Variants in SRGAP2C observed in about 807,000 individuals in gnomAD.
SRGAP2C encodes the protein SLIT-ROBO Rho GTPase-activating protein 2C.
SRGAP2C carries 15 observed loss-of-function variants against 25.1 expected under a neutral mutation model. The ratio of observed to expected loss-of-function variants is 0.60; its 90% confidence interval spans 0.40 to 0.92. The LOEUF is 0.92. Among genes scored for constraint, SRGAP2C ranks in the 40% least tolerant of loss-of-function variants. SRGAP2C has a pLI of 0.00. For missense variants in SRGAP2C, 144 were observed against 264.4 expected (o/e 0.54, Z 3.16); for synonymous variants, 44 against 96.6 (o/e 0.46, Z 3.19).
At position 121,185,269 on chromosome 1, in the gene SRGAP2C, A is replaced by G. The variant is rs1570688488; in HGVS notation, c.-543+145A>G. 4 of 627,106 alleles carry G rather than the reference A, an allele frequency of 6.4e-6. No homozygotes were observed. In the East Asian group the frequency reaches 1.5e-4, roughly 24 times the overall value. The allele number at this position is 627,106 out of a possible 1,614,324, so 38.8% of individuals were successfully genotyped here. A position where few individuals can be genotyped will look rare whatever the true frequency, so the allele number is the denominator to read the frequency against. On this transcript the variant is annotated intron_variant, in intron 1 of 9. Coordinates refer to ENST00000367123, the MANE Select transcript of SRGAP2C (RefSeq NM_001329984.2). ...AGCGGTGCCGCCCGGAATCCCTCAG[A>G]CCGCCCCTCCTCCACCCTCTCCAAA...
At position 121,255,433 on chromosome 1, in the gene SRGAP2C, A is replaced by AT. The variant is rs782625606; in HGVS notation, c.68-29360dup. On this transcript the variant is annotated intron_variant, in intron 2 of 9. Transcript: ENST00000367123. ...ACTTCCCTTGTTCCCAATTTCTTGG[A>AT]TTTTTTTTTTCTATCCCTTCATTCC... 1.2e-3 allele frequency among the ~76,000 whole-genome samples: 179 copies of AT among 148,592 alleles called. 2 individuals are homozygous for AT. The highest frequency in any genetic ancestry group is 3.4e-3 in the Middle Eastern group (1 of 290).
At chr1:121,224,810 C>T (rs1249942561) in intron 2 of SRGAP2C, among the ~76,000 whole-genome samples, 1 of 152,076 alleles carries the variant, frequency 6.6e-6, no homozygotes, top group Non-Finnish European at 1.5e-5. Context: ...ATGTACAAGA[C>T]CCGGGCTTCA....
intron 2 of SRGAP2C, among the ~76,000 whole-genome samples, chr1:121,201,898 G>A (rs1365902478): frequency 6.6e-6 from 1 of 152,112 alleles, no homozygotes; most frequent in Non-Finnish European, 1.5e-5. Flanking sequence ...TCAGGGCATG[G>A]GAACCCCCTC....
chr1:121,296,187 T>C (rs1657595207), intron 3 of SRGAP2C, among the ~76,000 whole-genome samples: 2 of 151,642 alleles, frequency 1.3e-5, no homozygotes, highest in Non-Finnish European at 2.9e-5. Context: ...AAATTTCTAG[T>C]AGTTGACAAA....
intron 2 of SRGAP2C, among the ~76,000 whole-genome samples, chr1:121,232,452 G>C (rs1466881035): frequency 1.2e-5 from 1 of 86,262 alleles, no homozygotes; most frequent in African/African-American, 4.8e-5. Context: ...ATAAAAAAAA[G>C]ACTTACATTT....
At chr1:121,204,417 G>T in intron 2 of SRGAP2C, among the ~76,000 whole-genome samples, 1 of 149,440 alleles carries the variant, frequency 6.7e-6, no homozygotes, top group African/African-American at 2.5e-5. Flanking sequence ...GTGCCACCAC[G>T]CTGGGCCAAT....
intron 3 of SRGAP2C, among the ~76,000 whole-genome samples, chr1:121,295,902 C>G (rs1243539160): frequency 7.2e-5 from 11 of 152,122 alleles, no homozygotes; most frequent in African/African-American, 2.2e-4. Flanking sequence ...GCTGGGATTA[C>G]AGGCATGCGC....
In SRGAP2C at chr1:121,391,424, TAAAGAACCCAGCACAAAGCCA is replaced by T. The variant is rs1660078663; in HGVS notation, c.*3570_*3590del. Reference sequence around the variant, plus strand: ...GTGAACACACACTTTGTGCCGGCTTTAAAGAACCCAGCACAAAGCCAGTCTGCATGGCCTACAGACATATTT... The same window carrying T: ...GTGAACACACACTTTGTGCCGGCTTTGTCTGCATGGCCTACAGACATATTT... On this transcript the variant is annotated 3_prime_UTR_variant, in exon 10 of 10. Transcript: ENST00000367123. The T allele has an allele frequency of 6.6e-6, 1 of 152,116 alleles. No individual in the cohort carries two copies. Among genetic ancestry groups the T allele is most frequent in the Non-Finnish European group, 1.5e-5 (1 of 68,012 alleles). The allele number at this position is 152,116 out of a possible 1,614,324, so 9.4% of individuals were successfully genotyped here. A position where few individuals can be genotyped will look rare whatever the true frequency, so the allele number is the denominator to read the frequency against.
chr1:121,350,332 C>T (rs1553345374), intron 4 of SRGAP2C, among the ~76,000 whole-genome samples: 1 of 136,664 alleles, frequency 7.3e-6, no homozygotes. Context: ...TAAATCCTCT[C>T]TAGAGGAAGA....
chr1:121,378,390 C>T (rs1361605651), intron 7 of SRGAP2C, among the ~76,000 whole-genome samples: 3 of 136,574 alleles, frequency 2.2e-5, no homozygotes, highest in Non-Finnish European at 4.7e-5. Flanking sequence ...CCAGCCAATC[C>T]CCCACCCCAA....
At chr1:121,272,817 C>T (rs1273655177) in intron 2 of SRGAP2C, among the ~76,000 whole-genome samples, 2 of 151,796 alleles carry the variant, frequency 1.3e-5, no homozygotes, top group African/African-American at 4.8e-5. Flanking sequence ...CTCTGAACCT[C>T]AGTGGTCCCT....
At chr1:121,384,821 A>G (rs1159352915) in intron 8 of SRGAP2C, among the ~76,000 whole-genome samples, 1 of 152,158 alleles carries the variant, frequency 6.6e-6, no homozygotes, top group Non-Finnish European at 1.5e-5. Context: ...CCACTGTCAA[A>G]GCATACATCA....
At chr1:121,336,253 T>G (rs1291786925) in intron 4 of SRGAP2C, among the ~76,000 whole-genome samples, 3 of 150,974 alleles carry the variant, frequency 2.0e-5, no homozygotes, top group African/African-American at 7.3e-5. Context: ...TTGATGGCAT[T>G]TGGATAGTTT....
At chr1:121,273,528 C>T (rs1338564232) in intron 2 of SRGAP2C, among the ~76,000 whole-genome samples, 1 of 141,292 alleles carries the variant, frequency 7.1e-6, no homozygotes, top group Non-Finnish European at 1.6e-5. Context: ...AAAGCGTACA[C>T]TTCATTTGCA....
At chr1:121,357,436 C>G (rs1352723038) in intron 4 of SRGAP2C, among the ~76,000 whole-genome samples, 3 of 150,828 alleles carry the variant, frequency 2.0e-5, no homozygotes, top group African/African-American at 7.3e-5. Context: ...GTAATTGTAT[C>G]CTCCTTATTT....
chr1:121,211,495 T>C, intron 2 of SRGAP2C, among the ~76,000 whole-genome samples: 1 of 151,304 alleles, frequency 6.6e-6, no homozygotes, highest in Non-Finnish European at 1.5e-5. Context: ...AGAAGATAAT[T>C]TTAAGTATTT....
At chr1:121,208,631 C>A (rs1223069371) in intron 2 of SRGAP2C, among the ~76,000 whole-genome samples, 1 of 152,030 alleles carries the variant, frequency 6.6e-6, no homozygotes, top group Non-Finnish European at 1.5e-5. Flanking sequence ...TGAGGTCATA[C>A]CAATCACACT....
chr1:121,235,061 C>T lies in SRGAP2C; in HGVS notation c.67+47548C>T, dbSNP rs587667283. On this transcript the variant is annotated intron_variant, in intron 2 of 9. Coordinates refer to ENST00000367123, the MANE Select transcript of SRGAP2C (RefSeq NM_001329984.2). ...TTTTGAGGCGGAGTCTCGCTCCGTC[C>T]CCCAGGCTGGAGTGCAGTGGCTAGA... is the stretch of plus-strand genomic sequence containing the variant. Among the ~76,000 whole-genome samples, 1,013 of 144,878 alleles carry T rather than the reference C, an allele frequency of 7.0e-3. 6 individuals are homozygous for T. Among genetic ancestry groups the T allele is most frequent in the South Asian group, 0.021 (93 of 4,440 alleles).
chr1:121,287,904 G>C (rs1287629493), intron 3 of SRGAP2C, among the ~76,000 whole-genome samples: 8 of 151,934 alleles, frequency 5.3e-5, no homozygotes, highest in Non-Finnish European at 1.0e-4. Context: ...TTGTGGTCTC[G>C]CTGGGCTCAG....
Sources: gnomAD v4.1 joint callset for allele counts (sites outside exome capture counted in the v4.1 genomes callset) on GRCh38, gnomAD v4.1.1 for gene constraint, MANE v1.5 for transcripts, NCBI Gene and HGNC (gene_info 2026-07-23, HGNC 2026-07-21) for gene names.